The following MAN1A2 variants were observed in gnomAD, a reference collection of about 807,000 sequenced individuals.
The protein encoded by MAN1A2 is mannosidase alpha class 1A member 2.
In MAN1A2, 26 loss-of-function variants were observed where a neutral mutation model predicts 75.7. The observed-to-expected ratio is 0.34, with a 90% confidence interval of 0.25 to 0.48. MAN1A2 has a LOEUF of 0.48. MAN1A2 is among the 20% of genes least tolerant of loss of function. MAN1A2 has a pLI of 0.99. For missense variants in MAN1A2, 562 were observed against 775.5 expected (o/e 0.72, Z 3.27); for synonymous variants, 247 against 264.6 (o/e 0.93, Z 0.65).
chr1:117,462,629 G>A (rs1382433988), intron 7 of MAN1A2, among the ~76,000 whole-genome samples: 1 of 152,116 alleles, frequency 6.6e-6, no homozygotes, highest in Non-Finnish European at 1.5e-5. Flanking sequence ...GTGTTGACAC[G>A]AGTAAAGCTT....
rs1291284101 is a variant in MAN1A2, at chr1:117,379,638, C to G, written c.302+11153C>G. On this transcript the variant is annotated intron_variant, in intron 1 of 12. Coordinates refer to ENST00000356554, the MANE Select transcript of MAN1A2 (RefSeq NM_006699.5). ...TTAAATGGTTACTTTCCATTCCCTCCTCCCTGCTTCCCCCTAGCCTCTGAC... is the reference window on the plus strand; with the variant it reads ...TTAAATGGTTACTTTCCATTCCCTCGTCCCTGCTTCCCCCTAGCCTCTGAC... Among the ~76,000 whole-genome samples the G allele has an allele frequency of 2.0e-5, 3 of 152,092 alleles. No homozygotes were observed. The East Asian group carries it at 5.8e-4, about 29-fold the overall frequency.
intron 1 of MAN1A2, among the ~76,000 whole-genome samples, chr1:117,388,835 A>G (rs1303152433): frequency 2.0e-5 from 3 of 152,226 alleles, no homozygotes; most frequent in African/African-American, 7.2e-5. Flanking sequence ...CAAGAAAAGA[A>G]TGAATAGTGT....
rs529737625 is a variant in MAN1A2, at chr1:117,512,734, A to G, written c.1793+9764A>G. ...TATGTCCTAATACAATGCAATCTAAATATTAGGCACTGGGATACACACACA... is the reference window on the plus strand; with the variant it reads ...TATGTCCTAATACAATGCAATCTAAGTATTAGGCACTGGGATACACACACA... On this transcript the variant is annotated intron_variant, in intron 12 of 12. Coordinates refer to ENST00000356554, the MANE Select transcript of MAN1A2 (RefSeq NM_006699.5). 6.6e-5 allele frequency among the ~76,000 whole-genome samples: 8 copies of G among 121,092 alleles called. No individual in the cohort carries two copies. The South Asian group carries it at 2.2e-3, about 34-fold the overall frequency. 79.4% of individuals were successfully genotyped at this position (121,092 alleles called of 152,430 possible).
At chr1:117,397,694 C>G (rs1647228155) in intron 1 of MAN1A2, among the ~76,000 whole-genome samples, 2 of 143,252 alleles carry the variant, frequency 1.4e-5, no homozygotes, top group African/African-American at 5.3e-5. Context: ...TTTGTTGGCC[C>G]AGGCTGGAGT....
intron 7 of MAN1A2, among the ~76,000 whole-genome samples, chr1:117,461,318 G>A (rs1368328716): frequency 2.0e-5 from 3 of 152,156 alleles, no homozygotes; most frequent in African/African-American, 7.2e-5. Context: ...CACGTATTAT[G>A]TGTTCTCATT....
intron 12 of MAN1A2, among the ~76,000 whole-genome samples, chr1:117,507,179 C>T (rs1651400271): frequency 6.6e-6 from 1 of 151,476 alleles, no homozygotes; most frequent in African/African-American, 2.4e-5. Flanking sequence ...AAGATGAAAA[C>T]AGACCCACAA....
intron 6 of MAN1A2, among the ~76,000 whole-genome samples, chr1:117,442,770 CATATT>C (rs1335977828): frequency 6.6e-6 from 1 of 152,062 alleles, no homozygotes; most frequent in African/African-American, 2.4e-5. Flanking sequence ...TGCTGAATGT[CATATT>C]AAAGATAAAG....
chr1:117,388,520 A>G (rs1408292989), intron 1 of MAN1A2, among the ~76,000 whole-genome samples: 1 of 152,184 alleles, frequency 6.6e-6, no homozygotes, highest in African/African-American at 2.4e-5. Context: ...ATTGTGGCAG[A>G]AAGTGAAGGG....
intron 5 of MAN1A2, among the ~76,000 whole-genome samples, chr1:117,437,978 A>G (rs2101806737): frequency 6.6e-6 from 1 of 152,336 alleles, no homozygotes; most frequent in African/African-American, 2.4e-5. Context: ...ATTGAAAACA[A>G]ATTTAAAACA....
At chr1:117,395,341 A>C (rs951280504) in intron 1 of MAN1A2, among the ~76,000 whole-genome samples, 1 of 152,232 alleles carries the variant, frequency 6.6e-6, no homozygotes, top group African/African-American at 2.4e-5. Flanking sequence ...GACTCTACTT[A>C]CTAGCTCCTT....
chr1:117,373,419 T>C (rs936053039), intron 1 of MAN1A2, among the ~76,000 whole-genome samples: 2 of 152,114 alleles, frequency 1.3e-5, no homozygotes, highest in African/African-American at 4.8e-5. Flanking sequence ...CATGAATTAT[T>C]GTGAGGTTTG....
At chr1:117,489,773 C>T (rs1650823525) in intron 8 of MAN1A2, among the ~76,000 whole-genome samples, 1 of 151,994 alleles carries the variant, frequency 6.6e-6, no homozygotes, top group African/African-American at 2.4e-5. Context: ...TAATCATCCA[C>T]AAGTGTGTTT....
chr1:117,449,019 A>G lies in MAN1A2; in HGVS notation c.950+6694A>G, dbSNP rs12049595. Among the ~76,000 whole-genome samples, 10 of 152,272 alleles carry G rather than the reference A, an allele frequency of 6.6e-5. No individual in the cohort carries two copies. The East Asian group carries it at 1.4e-3, about 21-fold the overall frequency. The stretch of plus-strand genomic sequence containing the variant: ...TTATTATTACATCTGTTATAGTAAT[A>G]TGTGATCGGTGATCTTTCTTATTAC... On this transcript the variant is annotated intron_variant, in intron 6 of 12. Coordinates refer to ENST00000356554, the MANE Select transcript of MAN1A2 (RefSeq NM_006699.5).
At chr1:117,449,968 T>TG (rs1243655003) in intron 6 of MAN1A2, among the ~76,000 whole-genome samples, 4 of 152,170 alleles carry the variant, frequency 2.6e-5, no homozygotes, top group African/African-American at 9.6e-5. Flanking sequence ...TTAAAGGTGA[T>TG]GGGTGAAGCA....
At chr1:117,469,058 C>T (rs1265424450) in intron 8 of MAN1A2, among the ~76,000 whole-genome samples, 1 of 151,858 alleles carries the variant, frequency 6.6e-6, no homozygotes, top group Admixed American at 6.6e-5. Context: ...ATCAAAAGTA[C>T]AACATTGATG....
chr1:117,367,461 T>C lies in MAN1A2; in HGVS notation c.-723T>C. The C allele has an allele frequency of 6.5e-6, 1 of 153,882 alleles. No homozygotes were observed. The highest frequency in any genetic ancestry group is 1.4e-5 in the Non-Finnish European group (1 of 69,108). 9.5% of individuals were successfully genotyped at this position (153,882 alleles called of 1,614,324 possible). ...TCCGCTCCCTGACAGACCCGTGCGG[T>C]AGCAACAGCGGCGGCGGCCGCGGCG... On this transcript the variant is annotated 5_prime_UTR_variant, in exon 1 of 13. Transcript: ENST00000356554.
At chr1:117,420,511 A>G in intron 4 of MAN1A2, 58 bp from the exon 5 acceptor site, 2 of 1,244,876 alleles carry the variant, frequency 1.6e-6, no homozygotes, top group South Asian at 1.2e-5. Context: ...TATTGATAAT[A>G]TTTTGAAAAC....
intron 1 of MAN1A2, among the ~76,000 whole-genome samples, chr1:117,375,199 C>T (rs1653097198): frequency 6.6e-6 from 1 of 152,170 alleles, no homozygotes; most frequent in Non-Finnish European, 1.5e-5. Flanking sequence ...TTGACTGAGG[C>T]CTCAGACCCT....
intron 1 of MAN1A2, among the ~76,000 whole-genome samples, chr1:117,383,316 ACC>A (rs1653415753): frequency 6.6e-6 from 1 of 152,194 alleles, no homozygotes; most frequent in Non-Finnish European, 1.5e-5. Flanking sequence ...GATAAAGTCT[ACC>A]TGCCTATGCC....
Sources: gnomAD v4.1 joint callset for allele counts (sites outside exome capture counted in the v4.1 genomes callset) on GRCh38, gnomAD v4.1.1 for gene constraint, MANE v1.5 for transcripts, NCBI Gene and HGNC (gene_info 2026-07-23, HGNC 2026-07-21) for gene names.